FLNB: variants seen among roughly 807,000 people sequenced by gnomAD.
FLNB encodes the protein filamin-B.
A neutral mutation model predicts 250.6 loss-of-function variants in FLNB; 111 were observed. That is an observed-to-expected ratio of 0.44 (90% CI 0.38 to 0.52). The LOEUF (loss-of-function observed/expected upper bound fraction) is 0.52, where lower values mean the gene tolerates loss of function less well. FLNB is among the 20% of genes least tolerant of loss of function. FLNB has a pLI of 0.00. For synonymous variants in FLNB, 1,302 were observed against 1,372.1 expected (o/e 0.95, Z 1.13); for missense variants, 2,869 against 3,447.8 (o/e 0.83, Z 4.20).
intron 1 of FLNB, among the ~76,000 whole-genome samples, chr3:58,071,117 AT>A (rs1415257245): frequency 2.0e-5 from 3 of 150,502 alleles, no homozygotes; most frequent in Admixed American, 1.3e-4. Context: ...CACCTGACTA[AT>A]TTTTTTTATT....
At chr3:58,031,519 C>T (rs1299402644) in intron 1 of FLNB, among the ~76,000 whole-genome samples, 4 of 142,530 alleles carry the variant, frequency 2.8e-5, no homozygotes, top group African/African-American at 1.0e-4. Context: ...TAGGGGATTA[C>T]AGACGTGAGC....
intron 1 of FLNB, among the ~76,000 whole-genome samples, chr3:58,026,946 T>A (rs185104381): frequency 1.3e-3 from 192 of 152,318 alleles, no homozygotes; most frequent in Non-Finnish European, 2.4e-3. Context: ...TTTTTCCATG[T>A]GATGGGGCAA....
chr3:58,037,116 G>A (rs2097139226), intron 1 of FLNB, among the ~76,000 whole-genome samples: 1 of 142,350 alleles, frequency 7.0e-6, no homozygotes, highest in African/African-American at 2.6e-5. Context: ...CCTGGCTGGA[G>A]TGCAGTGGCA....
intron 1 of FLNB, among the ~76,000 whole-genome samples, chr3:58,056,475 C>T (rs2097170820): frequency 6.6e-6 from 1 of 152,038 alleles, no homozygotes; most frequent in Admixed American, 6.6e-5. Context: ...ACCCACTTTT[C>T]ACACTTTAAA....
chr3:58,064,900 C>T (rs1025730165), intron 1 of FLNB, among the ~76,000 whole-genome samples: 2 of 152,094 alleles, frequency 1.3e-5, no homozygotes, highest in Non-Finnish European at 2.9e-5. Context: ...ACTGGCTAGG[C>T]GTGGTGGCAG....
At chr3:58,140,342 C>T (rs1458279233) in intron 29 of FLNB, among the ~76,000 whole-genome samples, 1 of 152,234 alleles carries the variant, frequency 6.6e-6, no homozygotes, top group Non-Finnish European at 1.5e-5. Context: ...AAGGCCATAG[C>T]TCAGCCATTG....
rs541324495 is a variant in FLNB at position 58,040,233 on chromosome 3, A to G, written c.292+31377A>G. Among the ~76,000 whole-genome samples, 21 of 152,312 alleles carry G rather than the reference A, an allele frequency of 1.4e-4. No individual in the cohort carries two copies. The South Asian group carries it at 1.5e-3, about 11-fold the overall frequency. ...CTCTTGCGGGATTAGTGTTTGTTGA[A>G]TAATAAGCAATACACCCTGACCCAG... On this transcript the variant is annotated intron_variant, in intron 1 of 45. Coordinates refer to ENST00000295956, the MANE Select transcript of FLNB (RefSeq NM_001457.4).
chr3:58,130,714 C>A (rs752821228), intron 24 of FLNB, 27 bp from the exon 25 acceptor site: 1 of 1,606,652 alleles, frequency 6.2e-7, no homozygotes, highest in South Asian at 1.1e-5. Context: ...CCAGCTTGTG[C>A]TCAGAATCCC....
At chr3:58,088,696 G>C (rs1414578937) in intron 4 of FLNB, among the ~76,000 whole-genome samples, 1 of 152,172 alleles carries the variant, frequency 6.6e-6, no homozygotes, top group East Asian at 1.9e-4. Flanking sequence ...GACCAGGAAA[G>C]GGCAGCCCAG....
chr3:58,096,254 T>C (rs1210504699), intron 6 of FLNB, 36 bp downstream of exon 6: 1 of 1,471,626 alleles, frequency 6.8e-7, no homozygotes, highest in Non-Finnish European at 9.5e-7. Flanking sequence ...CTTGGGCTGC[T>C]CTGGGGCTAG....
chr3:58,041,003 A>G (rs184710165), intron 1 of FLNB, among the ~76,000 whole-genome samples: 18 of 152,296 alleles, frequency 1.2e-4, no homozygotes, highest in Admixed American at 1.0e-3. Context: ...GTGAGTGCTT[A>G]CTGTGTGCTA....
At chr3:58,148,913 C>G in intron 36 of FLNB, 61 bp downstream of exon 36, 1 of 1,450,890 alleles carries the variant, frequency 6.9e-7, no homozygotes, top group Non-Finnish European at 9.6e-7. Context: ...TTTGCTGAGG[C>G]AGCGTCATCT....
At chr3:58,043,153 T>G (rs1398946359) in intron 1 of FLNB, among the ~76,000 whole-genome samples, 1 of 148,232 alleles carries the variant, frequency 6.7e-6, no homozygotes. Flanking sequence ...TTTTTTTTTT[T>G]TTTTTTTTTT....
In FLNB at chr3:58,077,156, G is replaced by T. The variant is rs757548101; in HGVS notation, c.403G>T (p.Asp135Tyr). 2 of 1,614,174 alleles carry T rather than the reference G, an allele frequency of 1.2e-6. No individual in the cohort carries two copies. The highest frequency in any genetic ancestry group is 1.7e-6 in the Non-Finnish European group (2 of 1,180,020). ...MPVWEDEGDDDAKKQTPKQRL... is the reference protein window; with the variant it reads ...MPVWEDEGDDYAKKQTPKQRL... The stretch of plus-strand genomic sequence containing the variant: ...CGTGTGGGAGGATGAAGGGGATGAT[G>T]ATGCCAAGAAGCAGACGCCAAAGCA... Residue 135 changes from aspartate to tyrosine, a missense_variant, in exon 2 of 46, where the codon GAT (aspartate) becomes TAT (tyrosine). Asp to Tyr is a radical substitution (Grantham distance 160). Coordinates refer to ENST00000295956, the MANE Select transcript of FLNB (RefSeq NM_001457.4).
chr3:58,158,504 C>T (rs1315130617), intron 41 of FLNB, among the ~76,000 whole-genome samples: 1 of 152,202 alleles, frequency 6.6e-6, no homozygotes, highest in African/African-American at 2.4e-5. Context: ...GGAAAAGAAT[C>T]TGTATTTTAA....
At chr3:58,060,379 A>G (rs1576650314) in intron 1 of FLNB, among the ~76,000 whole-genome samples, 3 of 130,124 alleles carry the variant, frequency 2.3e-5, no homozygotes, top group Admixed American at 8.2e-5. Flanking sequence ...TTTGAGATGG[A>G]GTCTCGCTCT....
In FLNB at chr3:58,143,453, C is replaced by T. The variant is rs760181676; in HGVS notation, c.5285-20C>T. 44 of 1,613,884 alleles carry T rather than the reference C, an allele frequency of 2.7e-5. 1 individual carries two copies. In the South Asian group the frequency reaches 3.1e-4, roughly 11 times the overall value. ...AGGTTGCTGGTGGGCTTCATTGCCCCGTCTCTCTGTGCTCCATAGGAGAGG... is the reference window on the plus strand; with the variant it reads ...AGGTTGCTGGTGGGCTTCATTGCCCTGTCTCTCTGTGCTCCATAGGAGAGG... On this transcript the variant is annotated intron_variant, in intron 31 of 45. Coordinates refer to ENST00000295956, the MANE Select transcript of FLNB (RefSeq NM_001457.4).
At chr3:58,047,820 T>G (rs1402004275) in intron 1 of FLNB, among the ~76,000 whole-genome samples, 2 of 152,082 alleles carry the variant, frequency 1.3e-5, no homozygotes, top group African/African-American at 4.8e-5. Context: ...TGCCTCAGCC[T>G]CCCAAAGTGC....
rs1039350933 is a variant in FLNB, at chr3:58,170,609, C to T, written c.7656C>T (p.Pro2552=). The part of the protein sequence containing the change: ...SNMLLIGVHG[P]TTPCEEVSMK... The stretch of plus-strand genomic sequence containing the variant: ...TGCTGCTGATCGGGGTCCATGGGCC[C>T]ACCACCCCCTGCGAGGAGGTCTCCA... The change falls in exon 46 of 46, where the codon CCC becomes CCT. Residue 2552 remains proline (P), a synonymous_variant. Coordinates refer to ENST00000295956, the MANE Select transcript of FLNB (RefSeq NM_001457.4). 6.2e-7 allele frequency: 1 copy of T among 1,614,102 alleles called. No homozygotes were observed. Among genetic ancestry groups the T allele is most frequent in the Non-Finnish European group, 8.5e-7 (1 of 1,180,028 alleles).
Sources: gnomAD v4.1 joint callset for allele counts (sites outside exome capture counted in the v4.1 genomes callset) on GRCh38, gnomAD v4.1.1 for gene constraint, MANE v1.5 for transcripts, NCBI Gene and HGNC (gene_info 2026-07-23, HGNC 2026-07-21) for gene names.